Variants in PCSK5 observed in about 807,000 individuals in gnomAD.
The protein encoded by PCSK5 is proprotein convertase subtilisin/kexin type 5.
In PCSK5, 129 loss-of-function variants were observed where a neutral mutation model predicts 233.2. The ratio of observed to expected loss-of-function variants is 0.55; its 90% confidence interval spans 0.48 to 0.64. The LOEUF is 0.64. Among genes scored for constraint, PCSK5 ranks in the 30% least tolerant of loss-of-function variants. PCSK5 has a pLI of 0.00. For synonymous variants in PCSK5, 825 were observed against 879.2 expected (o/e 0.94, Z 1.09); for missense variants, 2,076 against 2,430.1 (o/e 0.85, Z 3.06).
chr9:76,345,513 G>A (rs1180664107), intron 35 of PCSK5, among the ~76,000 whole-genome samples: 2 of 152,132 alleles, frequency 1.3e-5, no homozygotes, highest in African/African-American at 4.8e-5. Flanking sequence ...CTGCCTCCCG[G>A]GTTCACGCTA....
intron 2 of PCSK5, among the ~76,000 whole-genome samples, chr9:75,964,999 G>A (rs1295711677): frequency 6.6e-6 from 1 of 152,164 alleles, no homozygotes; most frequent in Non-Finnish European, 1.5e-5. Context: ...GCAGGCCTGA[G>A]GGGGAACAGA....
chr9:76,073,329 G>A (rs773067036), intron 7 of PCSK5, among the ~76,000 whole-genome samples: 1 of 152,184 alleles, frequency 6.6e-6, no homozygotes, highest in African/African-American at 2.4e-5. Flanking sequence ...TACTTATTTT[G>A]TAGGTACTTC....
chr9:76,141,988 G>A (rs897616662), intron 10 of PCSK5, among the ~76,000 whole-genome samples: 7 of 152,146 alleles, frequency 4.6e-5, no homozygotes, highest in Middle Eastern at 3.4e-3. Flanking sequence ...AGCGGGGAGC[G>A]TGGGAGGAGA....
intron 20 of PCSK5, among the ~76,000 whole-genome samples, chr9:76,218,003 C>G (rs113617290): frequency 1.3e-5 from 2 of 152,228 alleles, no homozygotes; most frequent in South Asian, 4.2e-4. Flanking sequence ...TGTCCTGATA[C>G]CTGCCAAGTA....
At chr9:76,351,882 G>C (rs1647382129) in intron 36 of PCSK5, among the ~76,000 whole-genome samples, 1 of 151,886 alleles carries the variant, frequency 6.6e-6, no homozygotes, top group Non-Finnish European at 1.5e-5. Flanking sequence ...GGACTACCAT[G>C]TCACTGGTCT....
chr9:76,223,946 TG>T (rs972358414), intron 20 of PCSK5, among the ~76,000 whole-genome samples: 1 of 152,204 alleles, frequency 6.6e-6, no homozygotes, highest in Non-Finnish European at 1.5e-5. Context: ...CTGTAAGAGC[TG>T]GGGGCAGTTG....
At chr9:75,949,129 A>G (rs1824725640) in intron 2 of PCSK5, among the ~76,000 whole-genome samples, 3 of 150,858 alleles carry the variant, frequency 2.0e-5, no homozygotes, top group Admixed American at 1.3e-4. Context: ...TAATATGAGT[A>G]TGTCTCAGAT....
intron 5 of PCSK5, among the ~76,000 whole-genome samples, chr9:76,052,890 A>G (rs1398329471): frequency 6.6e-6 from 1 of 152,220 alleles, no homozygotes; most frequent in African/African-American, 2.4e-5. Context: ...CAAATGGGAT[A>G]AATTGGCCAA....
rs781662863 is a variant in PCSK5 at position 76,193,338 on chromosome 9, A to G, written c.2626+3592A>G. ...TCAACAACTTTGCTGCAAAACATGT[A>G]CATTTCAAGGCTGAGCAGCCATCTT... On this transcript the variant is annotated intron_variant, in intron 20 of 37. Transcript: ENST00000674117. 41 of 1,611,024 alleles carry G rather than the reference A, an allele frequency of 2.5e-5. No individual in the cohort carries two copies. The Admixed American group carries it at 6.9e-4, about 27-fold the overall frequency.
intron 20 of PCSK5, among the ~76,000 whole-genome samples, chr9:76,214,329 T>C (rs1473837220): frequency 6.6e-6 from 1 of 151,908 alleles, no homozygotes; most frequent in African/African-American, 2.4e-5. Context: ...CACACATATG[T>C]GTGTGTGCAC....
intron 27 of PCSK5, among the ~76,000 whole-genome samples, chr9:76,301,659 A>G (rs978379926): frequency 2.6e-5 from 4 of 152,194 alleles, no homozygotes; most frequent in Non-Finnish European, 5.9e-5. Context: ...CCTGGCCAAC[A>G]CGGTGAAACC....
intron 5 of PCSK5, among the ~76,000 whole-genome samples, chr9:76,030,886 A>G (rs564861313): frequency 2.6e-5 from 4 of 152,154 alleles, no homozygotes; most frequent in African/African-American, 9.6e-5. Context: ...GCTTTGACCC[A>G]TCCTAAGCAC....
intron 3 of PCSK5, among the ~76,000 whole-genome samples, chr9:76,015,722 T>C (rs1431642486): frequency 6.6e-6 from 1 of 152,216 alleles, no homozygotes; most frequent in Non-Finnish European, 1.5e-5. Flanking sequence ...TCCCCAGTTA[T>C]ACAGCCAACT....
At chr9:76,213,579 C>T (rs897640774) in intron 20 of PCSK5, among the ~76,000 whole-genome samples, 2 of 152,112 alleles carry the variant, frequency 1.3e-5, no homozygotes, top group South Asian at 2.1e-4. Flanking sequence ...ATTTTCTGGA[C>T]GCTGTCTTTC....
At chr9:76,296,155 A>C (rs1828431219) in intron 26 of PCSK5, among the ~76,000 whole-genome samples, 1 of 152,114 alleles carries the variant, frequency 6.6e-6, no homozygotes, top group African/African-American at 2.4e-5. Context: ...ATCTCAGCTC[A>C]CTGCAACCTC....
At chr9:75,892,883 C>T (rs912651058) in intron 1 of PCSK5, among the ~76,000 whole-genome samples, 2 of 152,150 alleles carry the variant, frequency 1.3e-5, no homozygotes, top group Non-Finnish European at 2.9e-5. Context: ...GTTTGTATTC[C>T]CTCCTGCCCC....
At chr9:76,081,492 T>C (rs948839418) in intron 7 of PCSK5, among the ~76,000 whole-genome samples, 1 of 151,808 alleles carries the variant, frequency 6.6e-6, no homozygotes, top group Admixed American at 6.6e-5. Flanking sequence ...AACAAATAAA[T>C]AAATAAATAA....
chr9:75,920,228 G>C (rs1823189781), intron 1 of PCSK5, among the ~76,000 whole-genome samples: 2 of 152,048 alleles, frequency 1.3e-5, no homozygotes, highest in African/African-American at 2.4e-5. Context: ...CTCCTAATAG[G>C]GTTTTAAAAC....
At chr9:76,320,773 C>A (rs1829175170) in intron 30 of PCSK5, among the ~76,000 whole-genome samples, 1 of 151,578 alleles carries the variant, frequency 6.6e-6, no homozygotes, top group South Asian at 2.1e-4. Context: ...CCTACCCAAC[C>A]CATTGTAGCT....
Sources: gnomAD v4.1 joint callset for allele counts (sites outside exome capture counted in the v4.1 genomes callset) on GRCh38, gnomAD v4.1.1 for gene constraint, MANE v1.5 for transcripts, NCBI Gene and HGNC (gene_info 2026-07-23, HGNC 2026-07-21) for gene names.